Variants in DENND2A observed in about 807,000 individuals in gnomAD.
DENND2A encodes DENN domain containing 2A.
Under a neutral mutation model 105.3 loss-of-function variants are expected in DENND2A, and 53 were observed. The ratio of observed to expected loss-of-function variants is 0.50; its 90% CI spans 0.40 to 0.63. The LOEUF (loss-of-function observed/expected upper bound fraction) is 0.63. Among genes scored for constraint, DENND2A ranks in the 30% least tolerant of loss-of-function variants. The pLI is 0.00. For missense variants in DENND2A, 1,138 were observed against 1,279.6 expected (o/e 0.89, Z 1.69); for synonymous variants, 522 against 508.4 (o/e 1.03, Z -0.36).
intron 3 of DENND2A, among the ~76,000 whole-genome samples, chr7:140,596,767 A>C (rs1423507552): frequency 6.6e-6 from 1 of 152,230 alleles, no homozygotes; most frequent in East Asian, 1.9e-4. Flanking sequence ...AAAATTTAAA[A>C]ATCTGAATTC....
At position 140,538,019 on chromosome 7, in the gene DENND2A, C is replaced by T. The variant is rs555598353; in HGVS notation, c.2327+6599G>A. ...CCATCACAACAGCATTCTTTCCTTT[C>T]CATCTGTCAAACTCTTGCTTGACAG... is the stretch of plus-strand genomic sequence containing the variant. On this transcript the variant is annotated intron_variant, in intron 14 of 19. Transcript: ENST00000496613. 6.6e-5 allele frequency among the ~76,000 whole-genome samples: 10 copies of T among 152,320 alleles called. 3 individuals carry two copies. The highest frequency in any genetic ancestry group is 2.4e-4 in the African/African-American group (10 of 41,566).
intron 1 of DENND2A, among the ~76,000 whole-genome samples, chr7:140,637,277 A>G (rs891849762): frequency 2.6e-5 from 4 of 152,218 alleles, no homozygotes; most frequent in Admixed American, 2.6e-4. Flanking sequence ...AAGAAATCTG[A>G]TTGGAGGGGT....
At chr7:140,586,009 C>A (rs534117066) in intron 4 of DENND2A, among the ~76,000 whole-genome samples, 6 of 152,198 alleles carry the variant, frequency 3.9e-5, no homozygotes, top group African/African-American at 1.2e-4. Flanking sequence ...ATATTCTAAG[C>A]CTAAGTGATA....
chr7:140,590,593 A>G (rs1798975628), intron 3 of DENND2A, among the ~76,000 whole-genome samples: 1 of 150,530 alleles, frequency 6.6e-6, no homozygotes. Flanking sequence ...GGCCAGACAC[A>G]GTGGCTCATG....
chr7:140,547,105 C>G (rs913741697), intron 12 of DENND2A, among the ~76,000 whole-genome samples, 166 bp from the exon 13 acceptor site: 1 of 152,200 alleles, frequency 6.6e-6, no homozygotes, highest in African/African-American at 2.4e-5. Flanking sequence ...TGATTGTCCC[C>G]AATTCTTCTC....
At chr7:140,565,634 T>C (rs685182) in intron 9 of DENND2A, among the ~76,000 whole-genome samples, 74,483 of 151,900 alleles carry the variant, frequency 0.49, 19,757 homozygotes, top group African/African-American at 0.7. Context: ...AAAGCTGAAT[T>C]CATACGGCCA....
chr7:140,558,738 A>T (rs979010458), intron 10 of DENND2A, among the ~76,000 whole-genome samples: 5 of 150,756 alleles, frequency 3.3e-5, no homozygotes, highest in Admixed American at 2.0e-4. Context: ...CTGAGACCTA[A>T]AGTGTCGCTG....
In DENND2A at chr7:140,583,787, G is replaced by A. The variant is rs1395359606; in HGVS notation, c.1245+1802C>T. The stretch of plus-strand genomic sequence containing the variant: ...TAAAAATACAAAAAATTAGCCAGGC[G>A]TGGTGGCGGGCGCCTGTAGTCCCAG... On this transcript the variant is annotated intron_variant, in intron 5 of 19. Coordinates refer to ENST00000496613, the MANE Select transcript of DENND2A (RefSeq NM_015689.5). 4.0e-5 allele frequency among the ~76,000 whole-genome samples: 6 copies of A among 149,114 alleles called. No homozygotes were observed. In the East Asian group the frequency reaches 7.8e-4, roughly 19 times the overall value.
Position 140,578,273 on chromosome 7 carries a change from G to A in DENND2A, c.1246-4265C>T, listed in dbSNP as rs910940311. Among the ~76,000 whole-genome samples, 3 of 152,150 alleles carry A rather than the reference G, an allele frequency of 2.0e-5. No individual in the cohort carries two copies. In the South Asian group the frequency reaches 6.2e-4, roughly 32 times the overall value. ...AGGAAGCTGTGTGCCCCATCAGAGG[G>A]GGCCAAGCTGGATTCGAGCCCAGGT... On this transcript the variant is annotated intron_variant, in intron 5 of 19. Coordinates refer to ENST00000496613, the MANE Select transcript of DENND2A (RefSeq NM_015689.5).
In DENND2A at chr7:140,573,833, C is replaced by T. The variant is rs748909329; in HGVS notation, c.1421G>A (p.Gly474Asp). The T allele has an allele frequency of 5.0e-6, 8 of 1,613,820 alleles. 1 individual carries two copies. In the South Asian group the frequency reaches 6.6e-5, roughly 13 times the overall value. ...CTTGGGTATCTTTCTCTTCTTCCTGCCGTTCTGTGGGTCTCCAAGGTTAAA... is the reference window on the plus strand; with the variant it reads ...CTTGGGTATCTTTCTCTTCTTCCTGTCGTTCTGTGGGTCTCCAAGGTTAAA... Reference protein sequence around the residue: ...IFFNLGDPQNGRKKRKIPKLV... With the variant: ...IFFNLGDPQNDRKKRKIPKLV... The change falls in exon 6 of 20, where the codon GGC becomes GAC. Residue 474 changes from glycine (G) to aspartate (D), a missense_variant. Gly to Asp is a moderately conservative substitution (Grantham distance 94, BLOSUM62 -1). Transcript: ENST00000496613.
intron 3 of DENND2A, among the ~76,000 whole-genome samples, chr7:140,599,090 A>G (rs1403929341): frequency 1.3e-5 from 2 of 152,142 alleles, no homozygotes; most frequent in African/African-American, 4.8e-5. Context: ...TAATCCCAGC[A>G]GTTTGGGAGG....
At chr7:140,585,215 C>T (rs149372958) in intron 5 of DENND2A, among the ~76,000 whole-genome samples, 65 of 152,290 alleles carry the variant, frequency 4.3e-4, no homozygotes, top group African/African-American at 1.5e-3. Context: ...AAATCAACAA[C>T]AACAACCCAC....
chr7:140,568,365 C>T (rs1459524032), intron 8 of DENND2A, among the ~76,000 whole-genome samples: 2 of 152,212 alleles, frequency 1.3e-5, no homozygotes, highest in East Asian at 3.8e-4. Flanking sequence ...CTTCATCAGA[C>T]AGATGAACTA....
rs1359599540 is a variant in DENND2A, at chr7:140,585,685, A to G, written c.1149T>C (p.Tyr383=). 1.2e-6 allele frequency: 2 copies of G among 1,614,098 alleles called. No homozygotes were observed. Among genetic ancestry groups the G allele is most frequent in the Non-Finnish European group, 1.7e-6 (2 of 1,180,042 alleles). The part of the protein sequence containing the change: ...ILDPPMKENP[Y]EDIELHGRCL... ...AGCGACCATGTAACTCGATGTCCTC[A>G]TAAGGGTTCTCCTTCATTGGCGGAT... Residue 383 remains tyrosine (Y), a synonymous_variant, in exon 5 of 20, where the codon TAT becomes TAC. Transcript: ENST00000496613.
intron 12 of DENND2A, among the ~76,000 whole-genome samples, chr7:140,554,267 T>C (rs1344537172): frequency 6.6e-6 from 1 of 151,980 alleles, no homozygotes; most frequent in Non-Finnish European, 1.5e-5. Context: ...TTAACATTCA[T>C]GGACCGTAGG....
chr7:140,611,524 C>T (rs1177696334), intron 1 of DENND2A, among the ~76,000 whole-genome samples: 2 of 152,000 alleles, frequency 1.3e-5, no homozygotes, highest in African/African-American at 2.4e-5. Context: ...CACAACAGAG[C>T]GAGACCCTGT....
At chr7:140,529,129 A>G (rs1025211000) in intron 14 of DENND2A, among the ~76,000 whole-genome samples, 2 of 152,134 alleles carry the variant, frequency 1.3e-5, no homozygotes, top group Non-Finnish European at 2.9e-5. Context: ...AACACCAAAA[A>G]AAACACTGGG....
At chr7:140,551,547 T>C (rs987189988) in intron 12 of DENND2A, among the ~76,000 whole-genome samples, 1 of 152,026 alleles carries the variant, frequency 6.6e-6, no homozygotes, top group African/African-American at 2.4e-5. Flanking sequence ...TTGTAGCCTC[T>C]AGAGCAGCTA....
Position 140,523,541 on chromosome 7 carries a change from T to A in DENND2A, c.2548-117A>T. The stretch of plus-strand genomic sequence containing the variant: ...TCAGTCTCCAGTTTCATGGAAGGAA[T>A]ACAACTGAAAGCCAGAGGTCTGAGG... On this transcript the variant is annotated intron_variant, in intron 16 of 19. Transcript: ENST00000496613. This position sits in a 1 kb window ranked among gnomAD's most constrained non-coding sequence, Gnocchi z 4.5. 1.2e-6 allele frequency: 1 copy of A among 826,572 alleles called. No homozygotes were observed. Among genetic ancestry groups the A allele is most frequent in the Non-Finnish European group, 1.9e-6 (1 of 514,092 alleles). The allele number at this position is 826,572 out of a possible 1,614,324, so 51.2% of individuals were successfully genotyped here.
Sources: allele counts gnomAD v4.1 joint callset (sites outside exome capture counted in the v4.1 genomes callset), GRCh38; gene constraint gnomAD v4.1.1; non-coding constraint Gnocchi (gnomAD v3.1); transcripts MANE v1.5; gene names NCBI Gene and HGNC (gene_info 2026-07-23, HGNC 2026-07-21).